The following SUCO variants were observed in gnomAD, a reference collection of about 807,000 sequenced individuals.
SUCO encodes the protein SUN domain-containing ossification factor.
Under a neutral mutation model 148.1 loss-of-function variants are expected in SUCO, and 57 were observed. That is an observed-to-expected ratio of 0.38 (90% CI 0.31 to 0.48). SUCO has a LOEUF of 0.48. Among genes scored for constraint, SUCO ranks in the 20% least tolerant of loss-of-function variants. The pLI is 0.96. For synonymous variants in SUCO, 470 were observed against 502.7 expected (o/e 0.93, Z 0.87); for missense variants, 1,331 against 1,468.2 (o/e 0.91, Z 1.53).
At chr1:172,551,757 T>C (rs890504909) in intron 2 of SUCO, 131 bp downstream of exon 2, 1 of 591,864 alleles carries the variant, frequency 1.7e-6, no homozygotes, top group Non-Finnish European at 3.0e-6. Flanking sequence ...TTTTCTTTGC[T>C]ATTACTCAGG....
chr1:172,573,744 T>C (rs1655217542), intron 9 of SUCO, 147 bp from the exon 10 acceptor site: 1 of 510,942 alleles, frequency 2.0e-6, no homozygotes, highest in East Asian at 3.5e-5. Flanking sequence ...ATGCTTCTTA[T>C]AGACAACTAA....
chr1:172,586,173 G>A (rs933753046), intron 17 of SUCO, among the ~76,000 whole-genome samples: 2 of 151,218 alleles, frequency 1.3e-5, no homozygotes, highest in Non-Finnish European at 3.0e-5. Flanking sequence ...TTTGGGGGGG[G>A]TATTATATAT....
intron 20 of SUCO, 103 bp from the exon 21 acceptor site, chr1:172,601,961 T>A: frequency 8.2e-7 from 1 of 1,223,342 alleles, no homozygotes; most frequent in Non-Finnish European, 1.1e-6. Context: ...TGAAGCACAT[T>A]AAAAAAATAC....
intron 19 of SUCO, among the ~76,000 whole-genome samples, chr1:172,599,119 C>A (rs891044828): frequency 1.3e-5 from 2 of 152,152 alleles, no homozygotes; most frequent in Admixed American, 1.3e-4. Flanking sequence ...ATTAAAAGTT[C>A]AAATTTTCGA....
chr1:172,564,343 C>T (rs1654403237), intron 6 of SUCO, among the ~76,000 whole-genome samples: 1 of 152,240 alleles, frequency 6.6e-6, no homozygotes, highest in African/African-American at 2.4e-5. Context: ...GCACTCAACA[C>T]CAGCTCCTGA....
At chr1:172,603,233 C>A in intron 22 of SUCO, 1 of 156,104 alleles carries the variant, frequency 6.4e-6, no homozygotes, top group Non-Finnish European at 1.4e-5. Flanking sequence ...GCTCCAGAAC[C>A]TATAATTAGG....
In SUCO at chr1:172,588,968, A is replaced by G. The variant is rs771766598; in HGVS notation, c.1867A>G (p.Ile623Val). Residue 623 changes from isoleucine to valine, a missense_variant, in exon 18 of 24, where the codon ATT (isoleucine) becomes GTT (valine). Physicochemically the swap from Ile to Val is conservative, Grantham distance 29. Transcript: ENST00000263688. ...TQIFCSELTT[I>V]CCISSFSEYI... ...AATATTTTGCAGTGAACTGACCACA[A>G]TTTGTTGTATTTCTAGTTTTTCAGA... 5.6e-6 allele frequency: 9 copies of G among 1,610,164 alleles called. No individual in the cohort carries two copies. In the Admixed American group the frequency reaches 8.4e-5, roughly 15 times the overall value.
At chr1:172,568,487 T>C (rs1473037516) in intron 6 of SUCO, 3 of 923,536 alleles carry the variant, frequency 3.2e-6, no homozygotes, top group Admixed American at 6.2e-5. Flanking sequence ...CTGCATCTTA[T>C]TAACATGATT....
chr1:172,577,994 T>TAA (rs3214152), intron 13 of SUCO, among the ~76,000 whole-genome samples, 175 bp downstream of exon 13: 17 of 149,982 alleles, frequency 1.1e-4, no homozygotes, highest in South Asian at 2.1e-4. Context: ...TATCCTCTTT[T>TAA]AAAAAAAAAA....
chr1:172,556,661 A>C, intron 4 of SUCO: 1 of 984,940 alleles, frequency 1.0e-6, no homozygotes, highest in Non-Finnish European at 1.2e-6. Context: ...GGGTTGAAGG[A>C]GTTGCACAAG....
chr1:172,591,675 A>G (rs1220478932), intron 19 of SUCO, among the ~76,000 whole-genome samples: 2 of 151,728 alleles, frequency 1.3e-5, no homozygotes, highest in Non-Finnish European at 2.9e-5. Context: ...AATCCAGTCT[A>G]TCATTGTTGG....
Position 172,611,470 on chromosome 1 carries a change from T to C in SUCO, c.*1211T>C, listed in dbSNP as rs550513122. ...ATTTATTGTTGTGATGTTTAAGTTA[T>C]AACTTATTGAGCACTTTTAGTAGTG... On this transcript the variant is annotated 3_prime_UTR_variant, in exon 24 of 24. Transcript: ENST00000263688. 6.5e-6 allele frequency: 1 copy of C among 152,792 alleles called. No homozygotes were observed. The highest frequency in any genetic ancestry group is 1.9e-4 in the East Asian group (1 of 5,188). 9.5% of individuals were successfully genotyped at this position (152,792 alleles called of 1,614,324 possible).
chr1:172,593,670 G>C (rs926712778), intron 19 of SUCO, among the ~76,000 whole-genome samples: 2 of 152,092 alleles, frequency 1.3e-5, no homozygotes, highest in Admixed American at 6.5e-5. Context: ...TGCTGGATTC[G>C]GTTTGCCAGT....
At position 172,609,884 on chromosome 1, in the gene SUCO, A is replaced by G. The variant is rs766681517; in HGVS notation, c.3390A>G (p.Ile1130Met). 5 of 1,613,816 alleles carry G rather than the reference A, an allele frequency of 3.1e-6. No homozygotes were observed. The East Asian group carries it at 8.9e-5, about 29-fold the overall frequency. ...AGCCTGAAGAACCATTGCACCCCAT[A>G]GCCAATGGCGACATAAAAGGAAGAA... ...TIKPEEPLHP[I>M]ANGDIKGRKP... Residue 1130 changes from isoleucine to methionine, a missense_variant, in exon 24 of 24, where the codon ATA (isoleucine) becomes ATG (methionine). Transcript: ENST00000263688.
upstream of SUCO, chr1:172,532,951 G>A (rs1463989333): frequency 2.9e-6 from 4 of 1,364,120 alleles, no homozygotes; most frequent in Non-Finnish European, 2.9e-6. Flanking sequence ...TTCTCCGCCT[G>A]CGACGTCGAA....
chr1:172,542,989 G>T, intron 1 of SUCO: 1 of 985,226 alleles, frequency 1.0e-6, no homozygotes, highest in Non-Finnish European at 1.2e-6. Flanking sequence ...GAGCTGGTAG[G>T]CATGAATTCC....
At chr1:172,609,724 G>A in intron 23 of SUCO, 92 bp from the exon 24 acceptor site, 1 of 1,508,240 alleles carries the variant, frequency 6.6e-7, no homozygotes, top group South Asian at 1.4e-5. Flanking sequence ...TCACCAGGAG[G>A]TGGCACTTCT....
At chr1:172,586,078 C>T in intron 17 of SUCO, 130 bp downstream of exon 17, 1 of 527,914 alleles carries the variant, frequency 1.9e-6, no homozygotes, top group Non-Finnish European at 3.2e-6. Context: ...ATAGGATAGA[C>T]ATTCTGTGGC....
At chr1:172,574,056 CAAAA>C in intron 10 of SUCO, 58 bp downstream of exon 10, 3 of 985,406 alleles carry the variant, frequency 3.0e-6, no homozygotes, top group African/African-American at 1.7e-5. Context: ...AAAAGAAAAA[CAAAA>C]AAACAAAAAA....
Sources: gnomAD v4.1 joint callset for allele counts (sites outside exome capture counted in the v4.1 genomes callset) on GRCh38, gnomAD v4.1.1 for gene constraint, MANE v1.5 for transcripts, NCBI Gene and HGNC (gene_info 2026-07-23, HGNC 2026-07-21) for gene names.